Variants in CPZ observed in about 807,000 individuals in gnomAD.
CPZ encodes the protein carboxypeptidase Z.
Under a neutral mutation model 61.8 loss-of-function variants are expected in CPZ, and 103 were observed. The ratio of observed to expected loss-of-function variants is 1.67; its 90% CI spans 1.42 to 1.96. The LOEUF (loss-of-function observed/expected upper bound fraction) is 1.96, where lower values mean the gene tolerates loss of function less well. Ranked by LOEUF, CPZ falls within the 30% of genes most tolerant of loss-of-function variation. The pLI is 0.00. For synonymous variants in CPZ, 551 were observed against 373.7 expected (o/e 1.47, Z -5.47); for missense variants, 1,461 against 914.9 (o/e 1.60, Z -7.70).
chr4:8,601,794 C>T (rs954648911), intron 3 of CPZ, among the ~76,000 whole-genome samples: 1 of 152,124 alleles, frequency 6.6e-6, no homozygotes, highest in Non-Finnish European at 1.5e-5. Context: ...GGGGCAGTGC[C>T]CCCGCCCAGG....
chr4:8,608,437 A>G (rs1476061426), intron 7 of CPZ, among the ~76,000 whole-genome samples: 1 of 152,048 alleles, frequency 6.6e-6, no homozygotes, highest in Admixed American at 6.5e-5. Context: ...TTCTGAGGCC[A>G]CCCGGCCGAG....
chr4:8,593,508 G>A (rs1276417984), intron 1 of CPZ, among the ~76,000 whole-genome samples: 1 of 152,218 alleles, frequency 6.6e-6, no homozygotes, highest in Non-Finnish European at 1.5e-5. Flanking sequence ...GGGGTGTGCA[G>A]CGGGGGTGGG....
intron 7 of CPZ, among the ~76,000 whole-genome samples, chr4:8,607,823 G>C (rs1351699492): frequency 6.6e-6 from 1 of 152,148 alleles, no homozygotes. Flanking sequence ...CAGCGCGCAT[G>C]CTGCCCGCCC....
In CPZ at chr4:8,619,732, T is replaced by C; in HGVS notation, c.*115T>C. The C allele has an allele frequency of 1.2e-6, 1 of 809,962 alleles. No homozygotes were observed. 50.2% of individuals were successfully genotyped at this position (809,962 alleles called of 1,614,324 possible). The stretch of plus-strand genomic sequence containing the variant: ...TCCCACAAAGCCGCTGCCATTTTAT[T>C]AAAGTGTTTTGATCCACTTTGCACT... On this transcript the variant is annotated 3_prime_UTR_variant, in exon 11 of 11. Coordinates refer to ENST00000360986, the MANE Select transcript of CPZ (RefSeq NM_001014447.3).
intron 9 of CPZ, chr4:8,618,159 G>T (rs985121056): frequency 4.2e-6 from 2 of 471,858 alleles, no homozygotes; most frequent in East Asian, 8.1e-5. Context: ...TGCCCATAGA[G>T]ATGGAGTCAG....
rs1716405371 is a variant in CPZ at position 8,618,539 on chromosome 4, C to T, written c.1603+11C>T. 6 of 1,611,220 alleles carry T rather than the reference C, an allele frequency of 3.7e-6. No individual in the cohort carries two copies. The highest frequency in any genetic ancestry group is 4.2e-6 in the Non-Finnish European group (5 of 1,179,226). On this transcript the variant is annotated intron_variant, in intron 10 of 10. Transcript: ENST00000360986. ...ACGACATCACCACAGGTGAGCACGT[C>T]CCTGGCTGTCCCCTGGGGACCACGT...
At chr4:8,614,242 C>G (rs1715963492) in intron 8 of CPZ, 117 bp from the exon 9 acceptor site, 25 of 1,406,708 alleles carry the variant, frequency 1.8e-5, no homozygotes, top group Middle Eastern at 2.7e-4. Context: ...TCCCGGCTGT[C>G]TCTGCGCGGC....
At chr4:8,614,274 GTC>G in intron 8 of CPZ, 83 bp from the exon 9 acceptor site, 1 of 1,476,258 alleles carries the variant, frequency 6.8e-7, no homozygotes, top group Non-Finnish European at 9.1e-7. Context: ...CGTCCCGGCT[GTC>G]TCTGTGCGGC....
intron 7 of CPZ, chr4:8,611,265 C>T (rs756807422): frequency 4.4e-5 from 20 of 456,164 alleles, no homozygotes; most frequent in Admixed American, 2.4e-4. Context: ...GAGCCTCTGC[C>T]CAAGGTCAGT....
rs373574186 is a variant in CPZ, at chr4:8,614,262, G to A, written c.1364-97G>A. The A allele has an allele frequency of 4.9e-4, 718 of 1,473,218 alleles. 6 individuals carry two copies. The African/African-American group carries it at 8.4e-3, about 17-fold the overall frequency. 91.3% of individuals were successfully genotyped at this position (1,473,218 alleles called of 1,614,324 possible). ...GCTGTCTCTGCGCGGCTGACACCCC[G>A]GCGTCCCGGCTGTCTCTGTGCGGCT... On this transcript the variant is annotated intron_variant, in intron 8 of 10. Transcript: ENST00000360986.
intron 8 of CPZ, among the ~76,000 whole-genome samples, chr4:8,613,985 C>T (rs1715933916): frequency 6.6e-6 from 1 of 152,264 alleles, no homozygotes; most frequent in East Asian, 1.9e-4. Context: ...CCTGACCTCA[C>T]CAGAGACAGC....
chr4:8,613,861 G>A (rs1047129746), intron 8 of CPZ, among the ~76,000 whole-genome samples: 2 of 152,346 alleles, frequency 1.3e-5, no homozygotes, highest in African/African-American at 4.8e-5. Flanking sequence ...GGTCAGGACA[G>A]CGTCTGGGTA....
chr4:8,612,317 G>C (rs28475156), intron 8 of CPZ, among the ~76,000 whole-genome samples, 155 bp downstream of exon 8: 36 of 151,698 alleles, frequency 2.4e-4, no homozygotes, highest in African/African-American at 8.2e-4. Context: ...GGAGGCTGGC[G>C]TGAGTTTTGT....
At position 8,607,675 on chromosome 4, in the gene CPZ, G is replaced by A. The variant is rs558220256; in HGVS notation, c.1227+250G>A. Reference sequence around the variant, plus strand: ...GCTGCACTGTCTTTCACATGTCCCCGTCTGGGAGCTCCTGGGGTGGGGACC... The same window carrying A: ...GCTGCACTGTCTTTCACATGTCCCCATCTGGGAGCTCCTGGGGTGGGGACC... On this transcript the variant is annotated intron_variant, in intron 7 of 10. Coordinates refer to ENST00000360986, the MANE Select transcript of CPZ (RefSeq NM_001014447.3). Among the ~76,000 whole-genome samples, 9 of 152,294 alleles carry A rather than the reference G, an allele frequency of 5.9e-5. No individual in the cohort carries two copies. The South Asian group carries it at 1.4e-3, about 25-fold the overall frequency.
intron 7 of CPZ, among the ~76,000 whole-genome samples, chr4:8,607,711 G>A (rs1199488739): frequency 1.3e-5 from 2 of 152,154 alleles, no homozygotes. Context: ...CTGCCTCAGC[G>A]CTGCTGTTCC....
At chr4:8,599,612 C>T in intron 2 of CPZ, 127 bp downstream of exon 2, 1 of 1,497,474 alleles carries the variant, frequency 6.7e-7, no homozygotes, top group Non-Finnish European at 8.9e-7. Flanking sequence ...GCCCATTAAT[C>T]AAACTAGAAC....
In CPZ at chr4:8,601,346, C is replaced by A; in HGVS notation, c.345C>A (p.Arg115=). The A allele has an allele frequency of 6.2e-7, 1 of 1,604,928 alleles. No individual in the cohort carries two copies. Among genetic ancestry groups the A allele is most frequent in the Non-Finnish European group, 8.5e-7 (1 of 1,173,802 alleles). The change falls in exon 3 of 11, where the codon CGC becomes CGA. Residue 115 remains arginine (R), a synonymous_variant. Coordinates refer to ENST00000360986, the MANE Select transcript of CPZ (RefSeq NM_001014447.3). ...CCCGGTGTGAGGGCGGCTGGGTGCG[C>A]AGACCCTGCCGGCACATCTGCGAGG... is the stretch of plus-strand genomic sequence containing the variant. ...LAPRCEGGWV[R]RPCRHICEGL...
At chr4:8,605,456 ATCCG>A in intron 4 of CPZ, among the ~76,000 whole-genome samples, 1 of 151,334 alleles carries the variant, frequency 6.6e-6, no homozygotes, top group South Asian at 2.1e-4. Flanking sequence ...CCCATCCATC[ATCCG>A]TCCATCCATT....
chr4:8,605,351 T>C (rs115944981), intron 4 of CPZ, among the ~76,000 whole-genome samples: 6 of 16,850 alleles, frequency 3.6e-4, no homozygotes, highest in African/African-American at 6.8e-4. Flanking sequence ...TCCATCCATT[T>C]ATTCATTCAG....
Sources: allele counts gnomAD v4.1 joint callset (sites outside exome capture counted in the v4.1 genomes callset), GRCh38; gene constraint gnomAD v4.1.1; transcripts MANE v1.5; gene names NCBI Gene and HGNC (gene_info 2026-07-23, HGNC 2026-07-21).